Variants in TAB3 observed in about 807,000 individuals in gnomAD.
The protein encoded by TAB3 is TGF-beta activated kinase 1 (MAP3K7) binding protein 3, also known as TGF-beta-activated kinase 1 and MAP3K7-binding protein 3.
TAB3 carries 18 observed loss-of-function variants against 48.1 expected under a neutral mutation model. The observed-to-expected ratio is 0.37, with a 90% CI of 0.26 to 0.55. TAB3 has a LOEUF of 0.55. Ranked by LOEUF, TAB3 falls within the 20% of genes least tolerant of loss-of-function variation. TAB3 has a pLI of 0.78. For missense variants in TAB3, 414 were observed against 549.8 expected (o/e 0.75, Z 2.47); for synonymous variants, 185 against 190.2 (o/e 0.97, Z 0.22).
intron 9 of TAB3, among the ~76,000 whole-genome samples, chrX:30,837,160 T>G (rs766929083): frequency 8.5e-5 from 9 of 106,163 alleles, no homozygotes; most frequent in Non-Finnish European, 1.5e-4. Context: ...GTGATTCTTC[T>G]GCCGCAGCCT....
chrX:30,871,644 T>C (rs1939665454), intron 2 of TAB3, 55 bp downstream of exon 2: 1 of 111,829 alleles, frequency 8.9e-6, no homozygotes, highest in South Asian at 3.8e-4. Flanking sequence ...GGGGAGGGTG[T>C]AAACATGTTA....
At position 30,878,989 on chromosome X, in the gene TAB3, G is replaced by A. The variant is rs182239740; in HGVS notation, c.-382-7188C>T. On this transcript the variant is annotated intron_variant, in intron 1 of 10. Transcript: ENST00000288422. ...GAAATGTATAGCTTTAAATATGTAT[G>A]TCAGGAAGGAAACAAGGGTATAAAC... Among the ~76,000 whole-genome samples the A allele has an allele frequency of 3.5e-4, 39 of 111,671 alleles. No individual in the cohort carries two copies. In the South Asian group the frequency reaches 5.9e-3, roughly 17 times the overall value.
intron 5 of TAB3, among the ~76,000 whole-genome samples, chrX:30,857,311 A>T (rs1601821275): frequency 1.8e-5 from 2 of 111,916 alleles, no homozygotes; most frequent in Non-Finnish European, 3.8e-5. Context: ...TGAAAATCGT[A>T]TTGAGCAAGG....
At chrX:30,883,047 T>G (rs1289861801) in intron 1 of TAB3, among the ~76,000 whole-genome samples, 1 of 112,115 alleles carries the variant, frequency 8.9e-6, no homozygotes, top group Non-Finnish European at 1.9e-5. Context: ...TTTCTTCAAA[T>G]GATGATCTCC....
intron 1 of TAB3, among the ~76,000 whole-genome samples, chrX:30,878,059 A>T (rs1187677623): frequency 1.8e-5 from 2 of 112,762 alleles, no homozygotes; most frequent in Non-Finnish European, 3.7e-5. Flanking sequence ...TAGTCATAAA[A>T]TGCTTAATTC....
intron 6 of TAB3, among the ~76,000 whole-genome samples, chrX:30,853,533 CTGTAGTT>C (rs898040393): frequency 1.1e-4 from 12 of 112,562 alleles, no homozygotes; most frequent in Non-Finnish European, 1.9e-4. Flanking sequence ...TTTTCCTACT[CTGTAGTT>C]TGTACTTTTG....
chrX:30,884,222 C>T (rs1465864081), intron 1 of TAB3, among the ~76,000 whole-genome samples: 1 of 111,709 alleles, frequency 9.0e-6, no homozygotes, highest in African/African-American at 3.3e-5. Flanking sequence ...GGCGTATCAT[C>T]TTCGAAAGTA....
intron 1 of TAB3, among the ~76,000 whole-genome samples, chrX:30,879,094 T>C (rs1939927483): frequency 8.9e-6 from 1 of 111,743 alleles, no homozygotes; most frequent in South Asian, 3.6e-4. Context: ...ATACTGAATA[T>C]AAAAGCAGAT....
chrX:30,886,584 A>G (rs1243881893), intron 1 of TAB3, among the ~76,000 whole-genome samples: 1 of 112,030 alleles, frequency 8.9e-6, no homozygotes, highest in African/African-American at 3.3e-5. Context: ...AGACAGGACT[A>G]CTTAACTGAA....
In TAB3 at chrX:30,859,684, T is replaced by TA. The variant is rs58473340; in HGVS notation, c.-90-7dup. 0.017 allele frequency: 7,527 copies of TA among 432,178 alleles called. No individual in the cohort carries two copies. Among genetic ancestry groups the TA allele is most frequent in the South Asian group, 0.024 (543 of 22,887 alleles). 35.6% of individuals were successfully genotyped at this position (432,178 alleles called of 1,213,427 possible). Reference sequence around the variant, plus strand: ...TCTAGCACCACAGTCATTTTCTATTTAAAAAAAAAAAAAAAGTATGGTTAA... The same window carrying TA: ...TCTAGCACCACAGTCATTTTCTATTTAAAAAAAAAAAAAAAAGTATGGTTAA... On this transcript the variant is annotated splice_polypyrimidine_tract_variant and splice_region_variant and intron_variant, in intron 4 of 10. Transcript: ENST00000288422.
intron 7 of TAB3, among the ~76,000 whole-genome samples, chrX:30,849,929 A>G (rs1207612889): frequency 8.9e-6 from 1 of 112,618 alleles, no homozygotes; most frequent in South Asian, 3.6e-4. Context: ...CAACCAACAC[A>G]TATTTTATAA....
intron 1 of TAB3, among the ~76,000 whole-genome samples, chrX:30,882,381 T>C (rs896615735): frequency 1.8e-5 from 2 of 112,450 alleles, no homozygotes; most frequent in South Asian, 7.2e-4. Context: ...GAATGACTTG[T>C]CATTTTGAAA....
chrX:30,859,264 C>T (rs1464657028), intron 5 of TAB3, among the ~76,000 whole-genome samples: 2 of 109,204 alleles, frequency 1.8e-5, no homozygotes, highest in East Asian at 2.9e-4. Flanking sequence ...ATGCCTAGAA[C>T]GTTTAGTAAT....
At chrX:30,855,723 G>C (rs1939043541) in intron 5 of TAB3, among the ~76,000 whole-genome samples, 161 bp from the exon 6 acceptor site, 1 of 111,947 alleles carries the variant, frequency 8.9e-6, no homozygotes, top group African/African-American at 3.3e-5. Flanking sequence ...TCCTGAAAAG[G>C]AGACCCAAAC....
chrX:30,840,264 CTACTTTGTTTT>C (rs1315264014), intron 9 of TAB3, among the ~76,000 whole-genome samples: 1 of 110,934 alleles, frequency 9.0e-6, no homozygotes, highest in African/African-American at 3.3e-5. Flanking sequence ...TTCCTTTCTT[CTACTTTGTTTT>C]TACTTTGTTC....
intron 10 of TAB3, among the ~76,000 whole-genome samples, chrX:30,831,786 C>G (rs762448747): frequency 3.6e-5 from 4 of 111,856 alleles, no homozygotes; most frequent in Non-Finnish European, 7.5e-5. Flanking sequence ...TTTTTTTCTG[C>G]TATAAGAAGA....
At chrX:30,863,746 C>T (rs1939322751) in intron 4 of TAB3, among the ~76,000 whole-genome samples, 1 of 112,151 alleles carries the variant, frequency 8.9e-6, no homozygotes, top group Non-Finnish European at 1.9e-5. Flanking sequence ...AACCTCTTTT[C>T]TTTATAAATT....
chrX:30,834,352 T>G (rs1938122933), intron 9 of TAB3, among the ~76,000 whole-genome samples, 200 bp from the exon 10 acceptor site: 1 of 111,704 alleles, frequency 9.0e-6, no homozygotes, highest in Non-Finnish European at 1.9e-5. Flanking sequence ...TTCTTACAAC[T>G]TTTTTCCATC....
At chrX:30,881,875 C>T (rs1455270815) in intron 1 of TAB3, among the ~76,000 whole-genome samples, 1 of 112,188 alleles carries the variant, frequency 8.9e-6, no homozygotes, top group Non-Finnish European at 1.9e-5. Context: ...GGGATTTCCA[C>T]CTACCAAGAG....
Sources: gnomAD v4.1 joint callset for allele counts (sites outside exome capture counted in the v4.1 genomes callset) on GRCh38, gnomAD v4.1.1 for gene constraint, MANE v1.5 for transcripts, NCBI Gene and HGNC (gene_info 2026-07-23, HGNC 2026-07-21) for gene names.